The following KCND2 variants were observed in gnomAD, a reference collection of about 807,000 sequenced individuals.
The protein encoded by KCND2 is potassium voltage-gated channel subfamily D member 2, also known as A-type voltage-gated potassium channel KCND2.
In KCND2, 16 loss-of-function variants were observed where a neutral mutation model predicts 54.4. The observed-to-expected ratio is 0.29, with a 90% CI of 0.20 to 0.45. KCND2 has a LOEUF of 0.45. Ranked by LOEUF, KCND2 falls within the 20% of genes least tolerant of loss-of-function variation. KCND2 has a pLI of 1.00. For synonymous variants in KCND2, 317 were observed against 310.7 expected (o/e 1.02, Z -0.21); for missense variants, 486 against 824.2 (o/e 0.59, Z 5.02).
chr7:120,275,715 C>T lies in KCND2; in HGVS notation c.1083C>T (p.Phe361=), dbSNP rs752473841. ...ASKFTSIPAA[F]WYTIVTMTTL... is the part of the protein sequence containing the mutation. ...AGTTCACCAGCATCCCTGCAGCCTTCTGGTATACCATCGTCACCATGACAA... is the reference window on the plus strand; with the variant it reads ...AGTTCACCAGCATCCCTGCAGCCTTTTGGTATACCATCGTCACCATGACAA... The change falls in exon 1 of 6, where the codon TTC becomes TTT. Residue 361 remains phenylalanine (F), a synonymous_variant. Transcript: ENST00000331113. 3.7e-6 allele frequency: 6 copies of T among 1,600,970 alleles called. No homozygotes were observed. The South Asian group carries it at 5.5e-5, about 15-fold the overall frequency.
At chr7:120,697,109 AATC>A (rs773499504) in intron 1 of KCND2, among the ~76,000 whole-genome samples, 2 of 152,168 alleles carry the variant, frequency 1.3e-5, no homozygotes, top group Non-Finnish European at 2.9e-5. Flanking sequence ...TGAGGGGATC[AATC>A]TTCCCTAAGC....
rs374060282 is a variant in KCND2 at position 120,347,041 on chromosome 7, C to CT, written c.1115+71304dup. 5.3e-3 allele frequency among the ~76,000 whole-genome samples: 791 copies of CT among 148,108 alleles called. 8 individuals are homozygous for CT. Among genetic ancestry groups the CT allele is most frequent in the African/African-American group, 0.017 (710 of 40,586 alleles). ...TGCTAGCCTTCAATGTCTCATGGCT[C>CT]TTTTTTTTTTGTTCGAAGCTGTAAT... is the stretch of plus-strand genomic sequence containing the variant. On this transcript the variant is annotated intron_variant, in intron 1 of 5. Coordinates refer to ENST00000331113, the MANE Select transcript of KCND2 (RefSeq NM_012281.3).
chr7:120,375,789 A>G (rs10235791), intron 1 of KCND2, among the ~76,000 whole-genome samples: 9,174 of 151,876 alleles, frequency 0.06, 854 homozygotes, highest in African/African-American at 0.21. Context: ...TTACTCCTCG[A>G]CGTTATAAAA....
At chr7:120,449,055 C>T (rs544896824) in intron 1 of KCND2, among the ~76,000 whole-genome samples, 97 of 152,194 alleles carry the variant, frequency 6.4e-4, no homozygotes, top group Non-Finnish European at 4.1e-4. Flanking sequence ...CTCAGCCAGG[C>T]GCGGTGGCTC....
intron 1 of KCND2, chr7:120,464,018 T>G (rs1802328614): frequency 4.2e-6 from 2 of 471,234 alleles, no homozygotes; most frequent in Non-Finnish European, 5.6e-6. Context: ...CTTAGTTTTG[T>G]TTTTTTTTTT....
In KCND2 at chr7:120,683,011, A is replaced by G. The variant is rs185402293; in HGVS notation, c.1116-49892A>G. ...TCAGGGACTTCTAGAAGACTCCCCA[A>G]CTATGCTGTTGGCTAAAACATCTTT... On this transcript the variant is annotated intron_variant, in intron 1 of 5. Transcript: ENST00000331113. Among the ~76,000 whole-genome samples the G allele has an allele frequency of 2.0e-3, 309 of 152,268 alleles. 2 individuals carry two copies. The highest frequency in any genetic ancestry group is 6.6e-3 in the African/African-American group (275 of 41,566).
intron 1 of KCND2, among the ~76,000 whole-genome samples, chr7:120,368,732 C>G (rs1302307467): frequency 6.6e-6 from 1 of 151,832 alleles, no homozygotes; most frequent in African/African-American, 2.4e-5. Context: ...TGACTATAAG[C>G]CAAATCTCTT....
chr7:120,524,842 A>T (rs1791753543), intron 1 of KCND2, among the ~76,000 whole-genome samples: 1 of 152,180 alleles, frequency 6.6e-6, no homozygotes, highest in Non-Finnish European at 1.5e-5. Flanking sequence ...TCTCAAAGGA[A>T]AATTAATAAA....
At chr7:120,746,953 T>G (rs1793014764) in intron 5 of KCND2, 1 of 152,124 alleles carries the variant, frequency 6.6e-6, no homozygotes, top group African/African-American at 2.4e-5. Flanking sequence ...CTTCAAGATA[T>G]TTTAGCTTTG....
intron 1 of KCND2, among the ~76,000 whole-genome samples, chr7:120,416,051 A>C (rs1801519597): frequency 6.6e-6 from 1 of 152,122 alleles, no homozygotes; most frequent in Non-Finnish European, 1.5e-5. Context: ...CCATTATGAC[A>C]CCCAAGTACA....
At chr7:120,606,468 G>A (rs1344729443) in intron 1 of KCND2, among the ~76,000 whole-genome samples, 2 of 152,030 alleles carry the variant, frequency 1.3e-5, no homozygotes, top group Non-Finnish European at 2.9e-5. Flanking sequence ...CGATATCACA[G>A]AGTTGCACCT....
At chr7:120,649,686 G>A (rs187804092) in intron 1 of KCND2, among the ~76,000 whole-genome samples, 221 of 151,960 alleles carry the variant, frequency 1.5e-3, no homozygotes, top group Non-Finnish European at 1.9e-3. Flanking sequence ...TGAGTAGTTT[G>A]CAAAAATTTT....
chr7:120,351,244 G>GTATATATATATATATATATATATATA (rs3067025), intron 1 of KCND2, among the ~76,000 whole-genome samples: 1 of 137,352 alleles, frequency 7.3e-6, no homozygotes, highest in African/African-American at 2.7e-5. Flanking sequence ...TTATATGTGT[G>GTATATATATATATATATATATATATA]TATATATATA....
rs182639716 is a variant in KCND2, at chr7:120,440,143, T to A, written c.1115+164396T>A. Among the ~76,000 whole-genome samples the A allele has an allele frequency of 3.0e-4, 45 of 152,124 alleles. 1 individual carries two copies. Among genetic ancestry groups the A allele is most frequent in the Admixed American group, 2.8e-3 (42 of 15,266 alleles). ...TATATGAGTTCCTATTTCTCCACGCTCTCACCAGCATTTATTATTTGTTTT... is the reference window on the plus strand; with the variant it reads ...TATATGAGTTCCTATTTCTCCACGCACTCACCAGCATTTATTATTTGTTTT... On this transcript the variant is annotated intron_variant, in intron 1 of 5. Transcript: ENST00000331113.
chr7:120,723,995 G>T (rs1432757447), intron 1 of KCND2, among the ~76,000 whole-genome samples: 1 of 152,088 alleles, frequency 6.6e-6, no homozygotes, highest in Admixed American at 6.6e-5. Flanking sequence ...ACATGGTTTT[G>T]GGCCTGGAGA....
chr7:120,529,742 T>C (rs1791820388), intron 1 of KCND2, among the ~76,000 whole-genome samples: 1 of 152,104 alleles, frequency 6.6e-6, no homozygotes, highest in African/African-American at 2.4e-5. Context: ...TTCACCACTC[T>C]AAAATTCCAG....
intron 1 of KCND2, among the ~76,000 whole-genome samples, chr7:120,493,330 G>A (rs948185124): frequency 2.6e-5 from 4 of 151,892 alleles, no homozygotes; most frequent in Non-Finnish European, 5.9e-5. Context: ...GGTTTAAGAA[G>A]AATTTTTGGT....
At chr7:120,657,509 G>C (rs559721866) in intron 1 of KCND2, among the ~76,000 whole-genome samples, 1 of 151,994 alleles carries the variant, frequency 6.6e-6, no homozygotes, top group African/African-American at 2.4e-5. Context: ...AACTATTTGC[G>C]TACATGCTAG....
intron 1 of KCND2, among the ~76,000 whole-genome samples, chr7:120,411,396 G>A (rs1181851443): frequency 6.6e-6 from 1 of 151,428 alleles, no homozygotes; most frequent in Non-Finnish European, 1.5e-5. Context: ...TTCAGATCCA[G>A]ATTTTGGTGG....
Sources: gnomAD v4.1 joint callset for allele counts (sites outside exome capture counted in the v4.1 genomes callset) on GRCh38, gnomAD v4.1.1 for gene constraint, MANE v1.5 for transcripts, NCBI Gene and HGNC (gene_info 2026-07-23, HGNC 2026-07-21) for gene names.